Variants in ZFHX3 observed in about 807,000 individuals in gnomAD.
ZFHX3 encodes the protein zinc finger homeobox protein 3.
A neutral mutation model predicts 279.1 loss-of-function variants in ZFHX3; 42 were observed. That is an observed-to-expected ratio of 0.15 (90% CI 0.12 to 0.19). The LOEUF is 0.19. ZFHX3 is among the 10% of genes least tolerant of loss of function. ZFHX3 has a pLI of 1.00. For synonymous variants in ZFHX3, 2,293 were observed against 1,957.8 expected, an observed-to-expected ratio of 1.17 and a Z score of -4.52; for missense variants, 4,981 against 4,754.0, an observed-to-expected ratio of 1.05 and a Z score of -1.40.
intron 4 of ZFHX3, among the ~76,000 whole-genome samples, chr16:72,842,063 C>T (rs1443202889): frequency 1.3e-5 from 2 of 152,142 alleles, no homozygotes; most frequent in East Asian, 1.9e-4. Flanking sequence ...ATTTGTAGCA[C>T]ACAATTACAT....
intron 2 of ZFHX3, among the ~76,000 whole-genome samples, chr16:73,479,240 T>C (rs2018823585): frequency 6.6e-6 from 1 of 152,110 alleles, no homozygotes; most frequent in Admixed American, 6.5e-5. Context: ...GGAGCTGCCA[T>C]ATTTATTCAT....
intron 2 of ZFHX3, among the ~76,000 whole-genome samples, chr16:73,675,615 A>C (rs1174963470): frequency 1.3e-5 from 2 of 152,138 alleles, no homozygotes; most frequent in African/African-American, 4.8e-5. Flanking sequence ...CCTGAAAAGA[A>C]GAATAGGATA....
At chr16:73,603,030 A>T (rs763402935) in intron 2 of ZFHX3, among the ~76,000 whole-genome samples, 6 of 151,872 alleles carry the variant, frequency 4.0e-5, no homozygotes, top group Non-Finnish European at 8.8e-5. Flanking sequence ...TCACGCTTGT[A>T]ATCCCAGCAC....
In ZFHX3 at chr16:73,573,801, C is replaced by A. The variant is rs369896859; in HGVS notation, c.-1547+106379G>T. Among the ~76,000 whole-genome samples the A allele has an allele frequency of 1.2e-4, 18 of 152,284 alleles. No individual in the cohort carries two copies. The South Asian group carries it at 3.5e-3, about 30-fold the overall frequency. On this transcript the variant is annotated intron_variant, in intron 2 of 17. Coordinates refer to the ZFHX3 transcript ENST00000641206. ...GTGTATATGAATAGAAAACCGTACA[C>A]AATGTAATGACCTATTACACAGTAT...
intron 3 of ZFHX3, among the ~76,000 whole-genome samples, chr16:73,428,946 T>G (rs992557344): frequency 6.6e-6 from 1 of 152,160 alleles, no homozygotes; most frequent in African/African-American, 2.4e-5. Flanking sequence ...CAGCCACTGC[T>G]TGCTCCCATT....
intron 5 of ZFHX3, among the ~76,000 whole-genome samples, chr16:73,172,254 G>T (rs951542739): frequency 2.0e-5 from 3 of 152,224 alleles, no homozygotes; most frequent in African/African-American, 7.2e-5. Flanking sequence ...GCCCGGCCTT[G>T]TCTCTGCCAT....
intron 1 of ZFHX3, among the ~76,000 whole-genome samples, chr16:73,745,714 G>T (rs1252141875): frequency 2.0e-5 from 3 of 152,138 alleles, no homozygotes; most frequent in Non-Finnish European, 4.4e-5. Context: ...TTCAAAGCAT[G>T]ATCTACTTTC....
intron 1 of ZFHX3, among the ~76,000 whole-genome samples, chr16:73,702,941 G>T (rs1016394742): frequency 2.6e-5 from 4 of 152,118 alleles, no homozygotes; most frequent in Non-Finnish European, 5.9e-5. Flanking sequence ...AATGGTGTCG[G>T]TATAATTATG....
chr16:73,557,737 T>C (rs1015789025), intron 2 of ZFHX3, among the ~76,000 whole-genome samples: 1 of 152,114 alleles, frequency 6.6e-6, no homozygotes, highest in African/African-American at 2.4e-5. Context: ...TTAAGACCTG[T>C]ATTTTGTGCC....
intron 1 of ZFHX3, among the ~76,000 whole-genome samples, chr16:73,887,918 A>G (rs978380900): frequency 9.9e-5 from 15 of 152,196 alleles, no homozygotes; most frequent in African/African-American, 3.1e-4. Context: ...AAGAGAAGAT[A>G]TAAGTGCTAA....
chr16:73,123,251 A>G (rs1197645241), intron 7 of ZFHX3: 1 of 149,362 alleles, frequency 6.7e-6, no homozygotes, highest in Non-Finnish European at 1.5e-5. Context: ...TCCTCCCACC[A>G]AGACGTGGAG....
At chr16:73,484,871 T>C (rs2018945626) in intron 2 of ZFHX3, among the ~76,000 whole-genome samples, 2 of 152,110 alleles carry the variant, frequency 1.3e-5, no homozygotes, top group African/African-American at 2.4e-5. Flanking sequence ...CATACAAATG[T>C]ACAATGTTAA....
intron 2 of ZFHX3, among the ~76,000 whole-genome samples, chr16:73,664,613 GC>G (rs2052816838): frequency 6.6e-6 from 1 of 152,084 alleles, no homozygotes; most frequent in Non-Finnish European, 1.5e-5. Context: ...ATCACAAGGA[GC>G]ATCCATATTC....
At chr16:73,690,257 T>C (rs1823626475) in intron 1 of ZFHX3, among the ~76,000 whole-genome samples, 1 of 152,160 alleles carries the variant, frequency 6.6e-6, no homozygotes, top group African/African-American at 2.4e-5. Context: ...AATCCCAAAC[T>C]AGATTTGCAG....
chr16:73,138,463 C>G (rs1024655454), intron 6 of ZFHX3, among the ~76,000 whole-genome samples: 1 of 152,096 alleles, frequency 6.6e-6, no homozygotes, highest in Non-Finnish European at 1.5e-5. Context: ...TGCCAGGGCT[C>G]TGAAGACCAG....
At chr16:73,822,199 T>C (rs1960764414) in intron 1 of ZFHX3, among the ~76,000 whole-genome samples, 1 of 152,146 alleles carries the variant, frequency 6.6e-6, no homozygotes, top group African/African-American at 2.4e-5. Context: ...CTGGCATCTG[T>C]TTTCTCTTTG....
chr16:72,832,589 T>C (rs1408802095), intron 4 of ZFHX3, among the ~76,000 whole-genome samples: 1 of 152,250 alleles, frequency 6.6e-6, no homozygotes, highest in Non-Finnish European at 1.5e-5. Flanking sequence ...CTATGCGTGG[T>C]AGAAGAAGAA....
Position 73,810,757 on chromosome 16 carries a change from ACT to A in ZFHX3, c.-1608+80892_-1608+80893del, listed in dbSNP as rs200873450. Among the ~76,000 whole-genome samples the A allele has an allele frequency of 9.9e-5, 15 of 152,198 alleles. No homozygotes were observed. In the East Asian group the frequency reaches 2.9e-3, roughly 29 times the overall value. On this transcript the variant is annotated intron_variant, in intron 1 of 17. Transcript: ENST00000641206. Reference sequence around the variant, plus strand: ...ATCTTAGAACTGAATTCAAGTCTAGACTCTGTTACTAAATAGCTGTATGGTCT... The same window carrying A: ...ATCTTAGAACTGAATTCAAGTCTAGACTGTTACTAAATAGCTGTATGGTCT...
chr16:73,058,433 G>A lies in ZFHX3; in HGVS notation c.-24+97C>T, dbSNP rs1163335941. 2.1e-4 allele frequency: 39 copies of A among 182,970 alleles called. No individual in the cohort carries two copies. The Admixed American group carries it at 2.3e-3, about 11-fold the overall frequency. 11.3% of individuals were successfully genotyped at this position (182,970 alleles called of 1,614,324 possible). The stretch of plus-strand genomic sequence containing the variant: ...CCATGCAAAGCAGCCCGGGCGCCCC[G>A]AGGAGCCCCGCGTCCGGGCGGTGGC... On this transcript the variant is annotated intron_variant, in intron 1 of 8. Coordinates refer to the ZFHX3 transcript ENST00000397992.
Sources: allele counts gnomAD v4.1 joint callset (sites outside exome capture counted in the v4.1 genomes callset), GRCh38; gene constraint gnomAD v4.1.1; transcripts MANE v1.5; gene names NCBI Gene and HGNC (gene_info 2026-07-23, HGNC 2026-07-21).